Variants in PIEZO2 observed in about 807,000 individuals in gnomAD.
PIEZO2 encodes piezo type mechanosensitive ion channel component 2, also known as piezo-type mechanosensitive ion channel component 2.
In PIEZO2, 172 loss-of-function variants were observed where a neutral mutation model predicts 337.3. The ratio of observed to expected loss-of-function variants is 0.51; its 90% CI spans 0.45 to 0.58. The LOEUF is 0.58. Ranked by LOEUF, PIEZO2 falls within the 20% of genes least tolerant of loss-of-function variation. The pLI, the probability that PIEZO2 is intolerant of heterozygous loss-of-function variation, is 0.00. For missense variants in PIEZO2, 3,028 were observed against 3,391.3 expected (o/e 0.89, Z 2.66); for synonymous variants, 1,251 against 1,228.5 (o/e 1.02, Z -0.38).
rs58723082 is a variant in PIEZO2, at chr18:11,092,098, G to A, written c.65-25876C>T. 4.6e-3 allele frequency among the ~76,000 whole-genome samples: 704 copies of A among 152,310 alleles called. 8 individuals carry two copies. The highest frequency in any genetic ancestry group is 0.015 in the African/African-American group (641 of 41,566). ...TTCACTCAGAGAGGTGGCTAAAAGG[G>A]TATTTTTTGAAAGGTTGTCTGCTAC... On this transcript the variant is annotated intron_variant, in intron 1 of 55. Coordinates refer to ENST00000674853, the MANE Select transcript of PIEZO2 (RefSeq NM_001378183.1). The surrounding 1 kb of genome is among the most constrained non-coding windows in gnomAD (Gnocchi z 4.5).
At chr18:10,905,679 G>C (rs1274261267) in intron 4 of PIEZO2, among the ~76,000 whole-genome samples, 2 of 151,728 alleles carry the variant, frequency 1.3e-5, no homozygotes, top group African/African-American at 4.8e-5. Context: ...TGTGGTGCCT[G>C]AGTACTGTGA....
intron 2 of PIEZO2, among the ~76,000 whole-genome samples, chr18:11,019,336 G>A (rs761471008): frequency 1.2e-4 from 18 of 152,148 alleles, no homozygotes; most frequent in Non-Finnish European, 2.2e-4. Flanking sequence ...ATCCTTTATG[G>A]TGTCTGCCAA....
chr18:10,886,917 A>G (rs1488027547), intron 4 of PIEZO2, among the ~76,000 whole-genome samples: 1 of 151,994 alleles, frequency 6.6e-6, no homozygotes, highest in Admixed American at 6.6e-5. Flanking sequence ...CTTTACAGGA[A>G]CCACGGTGCT....
intron 3 of PIEZO2, among the ~76,000 whole-genome samples, chr18:10,970,660 T>TCTCA (rs1254875088): frequency 0.14 from 19,433 of 137,304 alleles, 1,532 homozygotes; most frequent in Non-Finnish European, 0.21. Flanking sequence ...AAAAGATGTT[T>TCTCA]CACACACACA....
intron 24 of PIEZO2, among the ~76,000 whole-genome samples, chr18:10,760,194 A>G (rs998135337): frequency 5.9e-5 from 9 of 152,192 alleles, no homozygotes; most frequent in African/African-American, 2.2e-4. Context: ...CACCATTCCT[A>G]CTTCATTCTA....
At chr18:11,022,790 G>T (rs1175718238) in intron 2 of PIEZO2, among the ~76,000 whole-genome samples, 2 of 152,178 alleles carry the variant, frequency 1.3e-5, no homozygotes, top group African/African-American at 4.8e-5. Flanking sequence ...GAATTGGTGG[G>T]TTCTTGGTCT....
chr18:10,862,078 TA>T lies in PIEZO2; in HGVS notation c.493-4868del, dbSNP rs1470007843. On this transcript the variant is annotated intron_variant, in intron 5 of 55. Transcript: ENST00000674853. This position sits in a 1 kb window ranked among gnomAD's most constrained non-coding sequence, Gnocchi z 4.4. ...AAATAAAATAGTTAAGAGAGGATGT[TA>T]ATGTCCTCAACACAAATAAATAATA... Among the ~76,000 whole-genome samples, 1 of 152,084 alleles carries T rather than the reference TA, an allele frequency of 6.6e-6. No homozygotes were observed. Among genetic ancestry groups the T allele is most frequent in the East Asian group, 1.9e-4 (1 of 5,200 alleles).
At chr18:10,680,732 T>A (rs1341232281) in intron 51 of PIEZO2, among the ~76,000 whole-genome samples, 1 of 152,198 alleles carries the variant, frequency 6.6e-6, no homozygotes, top group Non-Finnish European at 1.5e-5. Context: ...GACAAAACAA[T>A]CTGCTCAGGA....
At chr18:10,889,389 T>A (rs563399917) in intron 4 of PIEZO2, among the ~76,000 whole-genome samples, 103 of 152,348 alleles carry the variant, frequency 6.8e-4, no homozygotes, top group African/African-American at 2.1e-3. Flanking sequence ...AATGAATTAT[T>A]TTAAGGCTTT....
Position 10,794,839 on chromosome 18 carries a change from T to C in PIEZO2, c.1691A>G (p.Glu564Gly). The C allele has an allele frequency of 6.5e-7, 1 of 1,537,032 alleles. No individual in the cohort carries two copies. The highest frequency in any genetic ancestry group is 8.7e-7 in the Non-Finnish European group (1 of 1,146,802). The change falls in exon 13 of 56, where the codon GAA becomes GGA. Residue 564 changes from glutamate to glycine, a missense_variant. Coordinates refer to ENST00000674853, the MANE Select transcript of PIEZO2 (RefSeq NM_001378183.1). This position sits in a 1 kb window ranked among gnomAD's most constrained non-coding sequence, Gnocchi z 6.6. ...TGGAACTTTTTTAATTTCAGGAAGTTCAAAACTCCATATATACTGTAATAT... is the reference window on the plus strand; with the variant it reads ...TGGAACTTTTTTAATTTCAGGAAGTCCAAAACTCCATATATACTGTAATAT... ...LLILQYIWSF[E>G]LPEIKKVPGF...
At chr18:10,715,965 G>T in intron 37 of PIEZO2, 149 bp from the exon 38 acceptor site, 1 of 656,320 alleles carries the variant, frequency 1.5e-6, no homozygotes, top group East Asian at 2.8e-5. Context: ...CATGACGCAC[G>T]GAGGAGAGCT....
At chr18:11,039,189 A>C (rs921682256) in intron 2 of PIEZO2, among the ~76,000 whole-genome samples, 4 of 152,216 alleles carry the variant, frequency 2.6e-5, no homozygotes, top group Non-Finnish European at 5.9e-5. Context: ...GCATGCATAA[A>C]ATCCCTCCCG....
chr18:10,935,860 G>A (rs928672428), intron 3 of PIEZO2, among the ~76,000 whole-genome samples: 6 of 152,280 alleles, frequency 3.9e-5, no homozygotes, highest in South Asian at 2.1e-4. Context: ...CCTTCCTCAC[G>A]TGCAGCTTTC....
chr18:10,672,937 A>G lies in PIEZO2; in HGVS notation c.8162-64T>C. ...ATTTTAGGATTTCATGCACAGCAAC[A>G]GTTTTCAGATGGCAAAATCTGGTTA... On this transcript the variant is annotated intron_variant, in intron 54 of 55. Coordinates refer to ENST00000674853, the MANE Select transcript of PIEZO2 (RefSeq NM_001378183.1). This position sits in a 1 kb window ranked among gnomAD's most constrained non-coding sequence, Gnocchi z 4.7. The G allele has an allele frequency of 7.3e-7, 1 of 1,378,240 alleles. No individual in the cohort carries two copies. Among genetic ancestry groups the G allele is most frequent in the Non-Finnish European group, 1.0e-6 (1 of 995,632 alleles). The allele number at this position is 1,378,240 out of a possible 1,614,324, so 85.4% of individuals were successfully genotyped here. A position where few individuals can be genotyped will look rare whatever the true frequency, so the allele number is the denominator to read the frequency against.
chr18:10,753,693 TC>T (rs950001388), intron 27 of PIEZO2, among the ~76,000 whole-genome samples: 2 of 152,222 alleles, frequency 1.3e-5, no homozygotes, highest in Non-Finnish European at 2.9e-5. Context: ...GGGTTCTTGT[TC>T]TGTAGGATGT....
At position 10,869,671 on chromosome 18, in the gene PIEZO2, A is replaced by T. The variant is rs566309864; in HGVS notation, c.492+1582T>A. 1.2e-3 allele frequency among the ~76,000 whole-genome samples: 185 copies of T among 152,338 alleles called. 1 individual carries two copies. The highest frequency in any genetic ancestry group is 4.1e-3 in the African/African-American group (172 of 41,572). ...CTGTCTTACAATTGGAATGTCAACA[A>T]GAAGAAGAAGCACTCTTCCGTTTTT... On this transcript the variant is annotated intron_variant, in intron 5 of 55. Transcript: ENST00000674853.
At chr18:11,135,200 A>G (rs1321661325) in intron 1 of PIEZO2, among the ~76,000 whole-genome samples, 1 of 152,186 alleles carries the variant, frequency 6.6e-6, no homozygotes, top group Non-Finnish European at 1.5e-5. Context: ...GAAACCTAGA[A>G]AGCAGTAATG....
intron 4 of PIEZO2, among the ~76,000 whole-genome samples, chr18:10,901,339 G>T (rs1003677221): frequency 2.0e-5 from 3 of 152,046 alleles, no homozygotes; most frequent in Non-Finnish European, 2.9e-5. Context: ...GCTTTCTAAT[G>T]GTTGATACCA....
intron 36 of PIEZO2, among the ~76,000 whole-genome samples, chr18:10,723,239 T>C (rs1394296163): frequency 1.3e-5 from 2 of 152,114 alleles, no homozygotes; most frequent in Non-Finnish European, 2.9e-5. Context: ...AGTGCTGGGA[T>C]TACAGGCGTG....
Sources: allele counts gnomAD v4.1 joint callset (sites outside exome capture counted in the v4.1 genomes callset), GRCh38; gene constraint gnomAD v4.1.1; non-coding constraint Gnocchi (gnomAD v3.1); transcripts MANE v1.5; gene names NCBI Gene and HGNC (gene_info 2026-07-23, HGNC 2026-07-21).